RBM28: variants seen among roughly 807,000 people sequenced by gnomAD.
RBM28 encodes RNA-binding protein 28.
RBM28 carries 78 observed loss-of-function variants against 98.3 expected under a neutral mutation model. The observed-to-expected ratio is 0.79, with a 90% confidence interval of 0.66 to 0.96. The LOEUF (loss-of-function observed/expected upper bound fraction) is 0.96, where lower values mean the gene tolerates loss of function less well. Among genes scored for constraint, RBM28 ranks in the 40% least tolerant of loss-of-function variants. The pLI is 0.00. For synonymous variants in RBM28, 306 were observed against 330.9 expected, an observed-to-expected ratio of 0.92 and a Z score of 0.82; for missense variants, 838 against 913.0, an observed-to-expected ratio of 0.92 and a Z score of 1.06.
Position 128,317,746 on chromosome 7 carries a change from G to A in RBM28, c.1714-13C>T. 2 of 1,575,066 alleles carry A rather than the reference G, an allele frequency of 1.3e-6. No homozygotes were observed. Among genetic ancestry groups the A allele is most frequent in the Non-Finnish European group, 1.7e-6 (2 of 1,144,900 alleles). Reference sequence around the variant, plus strand: ...CCACTATTGGTCTCTGTCAGAGGGAGACAGAATGCCATTCATTAGACTTCT... The same window carrying A: ...CCACTATTGGTCTCTGTCAGAGGGAAACAGAATGCCATTCATTAGACTTCT... On this transcript the variant is annotated splice_polypyrimidine_tract_variant and intron_variant, in intron 15 of 18. Transcript: ENST00000223073.
intron 1 of RBM28, among the ~76,000 whole-genome samples, chr7:128,341,901 T>C (rs568642859): frequency 1.3e-5 from 2 of 152,366 alleles, no homozygotes; most frequent in African/African-American, 4.8e-5. Context: ...CCAGGCGTGG[T>C]GGCACATGCC....
At chr7:128,337,912 G>A (rs1182914269) in intron 5 of RBM28, among the ~76,000 whole-genome samples, 3 of 152,054 alleles carry the variant, frequency 2.0e-5, no homozygotes, top group Non-Finnish European at 4.4e-5. Flanking sequence ...ATAAATCACA[G>A]TCAGTTTAAT....
Position 128,309,297 on chromosome 7 carries a change from A to C in RBM28, c.*1500T>G, listed in dbSNP as rs951552383. On this transcript the variant is annotated 3_prime_UTR_variant, in exon 19 of 19. Coordinates refer to ENST00000223073, the MANE Select transcript of RBM28 (RefSeq NM_018077.3). ...AATTTCAGATAGAGATTAGTGCTAG[A>C]AAGAGACAAATGATTTCAGATAGAG... 1 of 152,214 alleles carries C rather than the reference A, an allele frequency of 6.6e-6. No homozygotes were observed. The highest frequency in any genetic ancestry group is 2.4e-5 in the African/African-American group (1 of 41,454). 9.4% of individuals were successfully genotyped at this position (152,214 alleles called of 1,614,324 possible). A position where few individuals can be genotyped will look rare whatever the true frequency, so the allele number is the denominator to read the frequency against.
Position 128,299,123 on chromosome 7 carries a change from G to A in RBM28, c.*11674C>T, listed in dbSNP as rs1298593665. ...GAGTTTGTTATGCAGTTCCCAGGAG[G>A]AGAGGTGTGTCACGCCTTGCAGGGC... On this transcript the variant is annotated 3_prime_UTR_variant, in exon 19 of 19. Transcript: ENST00000223073. The A allele has an allele frequency of 6.6e-6, 1 of 152,206 alleles. No individual in the cohort carries two copies. The highest frequency in any genetic ancestry group is 1.5e-5 in the Non-Finnish European group (1 of 68,064). The allele number at this position is 152,206 out of a possible 1,614,324, so 9.4% of individuals were successfully genotyped here.
At position 128,343,710 on chromosome 7, in the gene RBM28, C is replaced by A; in HGVS notation, c.84G>T (p.Gly28=). Residue 28 remains glycine (G), a synonymous_variant, in exon 1 of 19, where the codon GGG becomes GGT. Transcript: ENST00000223073. The part of the protein sequence containing the change: ...EQLEELFSQV[G]PVKQCFVVTE... ...TCACCACGAAGCACTGCTTCACCGG[C>A]CCCACCTGACTGAACAGTTCCTCCA... The A allele has an allele frequency of 6.2e-7, 1 of 1,611,934 alleles. No homozygotes were observed. Among genetic ancestry groups the A allele is most frequent in the Non-Finnish European group, 8.5e-7 (1 of 1,178,876 alleles).
Position 128,300,529 on chromosome 7 carries a change from T to A in RBM28, c.*10268A>T, listed in dbSNP as rs13308439. On this transcript the variant is annotated 3_prime_UTR_variant, in exon 19 of 19. Coordinates refer to ENST00000223073, the MANE Select transcript of RBM28 (RefSeq NM_018077.3). ...GGCGAGCTATCTTGAGCCTGACTTT[T>A]CTGATCCTTCAATGAGCATGCTAAC... 45,646 of 151,892 alleles carry A rather than the reference T, an allele frequency of 0.3. 8,065 individuals carry two copies. The highest frequency in any genetic ancestry group is 0.61 in the East Asian group (3,118 of 5,102). 9.4% of individuals were successfully genotyped at this position (151,892 alleles called of 1,614,324 possible).
Position 128,333,376 on chromosome 7 carries a change from A to C in RBM28, c.947-14T>G. 1 of 1,560,528 alleles carries C rather than the reference A, an allele frequency of 6.4e-7. No individual in the cohort carries two copies. Among genetic ancestry groups the C allele is most frequent in the Non-Finnish European group, 8.8e-7 (1 of 1,131,476 alleles). ...AGACTTGCACAGCTAAGGTAAAAAGAAAAACAACAAACTGAAAGAGATTAG... is the reference window on the plus strand; with the variant it reads ...AGACTTGCACAGCTAAGGTAAAAAGCAAAACAACAAACTGAAAGAGATTAG... On this transcript the variant is annotated splice_polypyrimidine_tract_variant and intron_variant, in intron 8 of 18. Transcript: ENST00000223073.
rs774062109 is a variant in RBM28, at chr7:128,323,527, C to G, written c.1404G>C (p.Arg468=). Residue 468 remains arginine (R), a splice_region_variant and synonymous_variant, in exon 13 of 19, where the codon CGG becomes CGC. Transcript: ENST00000223073. ...VSAADMAKRE[R]FELLKHQKLK... Reference sequence around the variant, plus strand: ...GAAGGTCAATGCCTAATCTACTCACCCGTTCTCTTTTGGCCATATCAGCAG... The same window carrying G: ...GAAGGTCAATGCCTAATCTACTCACGCGTTCTCTTTTGGCCATATCAGCAG... 8.7e-6 allele frequency: 14 copies of G among 1,614,192 alleles called. No individual in the cohort carries two copies. The South Asian group carries it at 1.5e-4, about 18-fold the overall frequency.
Position 128,339,655 on chromosome 7 carries a change from C to T in RBM28, c.255G>A (p.Lys85=). 6.2e-7 allele frequency: 1 copy of T among 1,614,100 alleles called. No homozygotes were observed. The highest frequency in any genetic ancestry group is 8.5e-7 in the Non-Finnish European group (1 of 1,179,998). ...CACCATTTTTCCCCTTTTCCTTTGT[C>T]TTGTTCCTCAGTTTTTTCTTGGCAA... The part of the protein sequence containing the change: ...VTVAKKKLRN[K]TKEKGKNENS... The change falls in exon 2 of 19, where the codon AAG becomes AAA. Residue 85 remains lysine, a synonymous_variant. Coordinates refer to ENST00000223073, the MANE Select transcript of RBM28 (RefSeq NM_018077.3).
rs374437080 is a variant in RBM28, at chr7:128,307,749, GA to G, written c.*3047del. 159 of 152,290 alleles carry G rather than the reference GA, an allele frequency of 1.0e-3. No individual in the cohort carries two copies. Among genetic ancestry groups the G allele is most frequent in the African/African-American group, 3.6e-3 (151 of 41,556 alleles). The allele number at this position is 152,290 out of a possible 1,614,324, so 9.4% of individuals were successfully genotyped here. ...GCCAGGCTATTATATAATCAAGCAG[GA>G]AAATACTACTAAAACTTGATAGTTT... On this transcript the variant is annotated 3_prime_UTR_variant, in exon 19 of 19. Coordinates refer to ENST00000223073, the MANE Select transcript of RBM28 (RefSeq NM_018077.3).
At chr7:128,313,301 T>C (rs758586528) in intron 17 of RBM28, 27 bp from the exon 18 acceptor site, 1 of 1,597,920 alleles carries the variant, frequency 6.3e-7, no homozygotes, top group Non-Finnish European at 8.6e-7. Flanking sequence ...GAGTGTCACC[T>C]TGAGTCCTTC....
intron 3 of RBM28, 120 bp downstream of exon 3, chr7:128,339,107 G>T: frequency 2.1e-6 from 2 of 963,798 alleles, no homozygotes; most frequent in Non-Finnish European, 3.4e-6. Context: ...CAGGGGTAAG[G>T]TTGATTCCCA....
In RBM28 at chr7:128,317,993, G is replaced by A; in HGVS notation, c.1677C>T (p.Leu559=). 6.2e-7 allele frequency: 1 copy of A among 1,614,206 alleles called. No individual in the cohort carries two copies. The highest frequency in any genetic ancestry group is 8.5e-7 in the Non-Finnish European group (1 of 1,180,038). Residue 559 remains leucine, a synonymous_variant, in exon 15 of 19, where the codon CTC becomes CTT. Transcript: ENST00000223073. ...EHEHALKALR[L]INNNPEIFGP... is the part of the protein sequence containing the mutation. ...CAAAGATTTCTGGATTGTTGTTGAT[G>A]AGGCGGAGGGCTTTCAGGGCATGCT...
intron 11 of RBM28, among the ~76,000 whole-genome samples, chr7:128,325,145 C>CTA (rs1796321049): frequency 1.3e-5 from 2 of 152,204 alleles, no homozygotes; most frequent in South Asian, 4.1e-4. Flanking sequence ...AAGCCAAGCC[C>CTA]TACGACGTTT....
Position 128,303,114 on chromosome 7 carries a change from C to T in RBM28, c.*7683G>A, listed in dbSNP as rs1429729928. 1 of 152,186 alleles carries T rather than the reference C, an allele frequency of 6.6e-6. No homozygotes were observed. Among genetic ancestry groups the T allele is most frequent in the East Asian group, 1.9e-4 (1 of 5,202 alleles). The allele number at this position is 152,186 out of a possible 1,614,324, so 9.4% of individuals were successfully genotyped here. On this transcript the variant is annotated 3_prime_UTR_variant, in exon 19 of 19. Transcript: ENST00000223073. ...TCAAAGAATGTGAGAATGAAAATGC[C>T]CTTCCTTTTCTTACCACCTAATTTG... is the stretch of plus-strand genomic sequence containing the variant.
At chr7:128,315,919 T>C (rs555330175) in intron 16 of RBM28, among the ~76,000 whole-genome samples, 3 of 152,052 alleles carry the variant, frequency 2.0e-5, no homozygotes, top group Non-Finnish European at 2.9e-5. Flanking sequence ...ACATCAGGAA[T>C]GGAATAAATG....
At chr7:128,341,028 C>T in intron 1 of RBM28, 1 of 663,118 alleles carries the variant, frequency 1.5e-6, no homozygotes, top group African/African-American at 1.9e-5. Context: ...CCCACCTTTG[C>T]CCTTTTTGGT....
At chr7:128,319,050 T>C (rs1796166240) in intron 14 of RBM28, among the ~76,000 whole-genome samples, 1 of 152,224 alleles carries the variant, frequency 6.6e-6, no homozygotes, top group Non-Finnish European at 1.5e-5. Context: ...AGTAAACATC[T>C]GGGGCACCAA....
rs1795790029 is a variant in RBM28, at chr7:128,302,151, T to TA, written c.*8645dup. ...ATTGTTAGCTGTTGTTATTAACCAT[T>TA]ATGTGAGTTTAGAGTGCCCGTCCTA... is the stretch of plus-strand genomic sequence containing the variant. On this transcript the variant is annotated 3_prime_UTR_variant, in exon 19 of 19. Coordinates refer to ENST00000223073, the MANE Select transcript of RBM28 (RefSeq NM_018077.3). 1 of 152,220 alleles carries TA rather than the reference T, an allele frequency of 6.6e-6. No individual in the cohort carries two copies. The highest frequency in any genetic ancestry group is 1.5e-5 in the Non-Finnish European group (1 of 68,054). 9.4% of individuals were successfully genotyped at this position (152,220 alleles called of 1,614,324 possible). A position where few individuals can be genotyped will look rare whatever the true frequency, so the allele number is the denominator to read the frequency against.
Sources: gnomAD v4.1 joint callset for allele counts (sites outside exome capture counted in the v4.1 genomes callset) on GRCh38, gnomAD v4.1.1 for gene constraint, MANE v1.5 for transcripts, NCBI Gene and HGNC (gene_info 2026-07-23, HGNC 2026-07-21) for gene names.